GPX3: variants seen among roughly 807,000 people sequenced by gnomAD.
The protein encoded by GPX3 is glutathione peroxidase 3, also known as GPx-3.
In GPX3, 22 loss-of-function variants were observed where a neutral mutation model predicts 25.1. The ratio of observed to expected loss-of-function variants is 0.88; its 90% confidence interval spans 0.63 to 1.25. The LOEUF is 1.25. Ranked by LOEUF, GPX3 falls within the 50% of genes most tolerant of loss-of-function variation. The probability of loss-of-function intolerance (pLI) is 0.00; values close to 1 mark genes in which losing one functional copy is unlikely to be tolerated. For synonymous variants in GPX3, 110 were observed against 114.5 expected (o/e 0.96, Z 0.25); for missense variants, 278 against 286.6 (o/e 0.97, Z 0.22).
intron 1 of GPX3, among the ~76,000 whole-genome samples, chr5:151,022,819 G>A (rs535491823): frequency 6.6e-6 from 1 of 152,166 alleles, no homozygotes; most frequent in African/African-American, 2.4e-5. Context: ...ACCTGGCAGA[G>A]AGAATCATGG....
intron 2 of GPX3, chr5:151,026,565 G>A (rs964480809): frequency 2.1e-5 from 5 of 237,906 alleles, no homozygotes; most frequent in African/African-American, 1.1e-4. Flanking sequence ...GGGATGGATA[G>A]TTCTTGCTCC....
intron 2 of GPX3, 108 bp from the exon 3 acceptor site, chr5:151,026,792 G>A (rs1363923971): frequency 1.2e-5 from 9 of 750,934 alleles, no homozygotes; most frequent in Middle Eastern, 3.6e-4. Flanking sequence ...TCCCTTTCTC[G>A]GGCCTCAGTA....
chr5:151,024,750 C>A (rs8177433), intron 1 of GPX3, among the ~76,000 whole-genome samples: 2 of 152,096 alleles, frequency 1.3e-5, no homozygotes, highest in Non-Finnish European at 2.9e-5. Flanking sequence ...AGTCCTGCTT[C>A]CCTATTTGGT....
chr5:151,020,952 G>A (rs1027170900), intron 1 of GPX3: 7 of 634,646 alleles, frequency 1.1e-5, no homozygotes, highest in Non-Finnish European at 1.7e-5. Flanking sequence ...TTGGAGAGCC[G>A]AGACCTGGTG....
At chr5:151,022,697 A>G (rs373120426) in intron 1 of GPX3, among the ~76,000 whole-genome samples, 2 of 152,198 alleles carry the variant, frequency 1.3e-5, no homozygotes, top group South Asian at 4.1e-4. Flanking sequence ...CCCCAGTCCA[A>G]CTTCAGGCTG....
chr5:151,027,470 A>C lies in GPX3; in HGVS notation c.398A>C (p.Gln133Pro), dbSNP rs1277550493. The change falls in exon 4 of 5, where the codon CAG becomes CCG. Residue 133 changes from glutamine to proline, a missense_variant. Coordinates refer to ENST00000388825, the MANE Select transcript of GPX3 (RefSeq NM_002084.5). The stretch of plus-strand genomic sequence containing the variant: ...GGTGGAGGCTTTGTCCCTAATTTCC[A>C]GCTCTTTGAGAAAGGGGATGTCAAT... ...RPGGGFVPNF[Q>P]LFEKGDVNGE... is the part of the protein sequence containing the mutation. 1.9e-6 allele frequency: 3 copies of C among 1,613,800 alleles called. No individual in the cohort carries two copies. The highest frequency in any genetic ancestry group is 2.5e-6 in the Non-Finnish European group (3 of 1,179,762).
At chr5:151,023,599 ATT>A (rs1364299698) in intron 1 of GPX3, among the ~76,000 whole-genome samples, 2 of 152,056 alleles carry the variant, frequency 1.3e-5, no homozygotes, top group Non-Finnish European at 2.9e-5. Context: ...CTCAGAGTTC[ATT>A]TTTGGATCAT....
At chr5:151,024,379 A>G (rs142800380) in intron 1 of GPX3, among the ~76,000 whole-genome samples, 24 of 152,288 alleles carry the variant, frequency 1.6e-4, no homozygotes, top group African/African-American at 5.3e-4. Flanking sequence ...AGTGACCCCA[A>G]TCCCCTCTCT....
chr5:151,024,154 T>C (rs935420469), intron 1 of GPX3, among the ~76,000 whole-genome samples: 1 of 152,210 alleles, frequency 6.6e-6, no homozygotes, highest in African/African-American at 2.4e-5. Flanking sequence ...TCCATTTGTT[T>C]ATTGTCTGCC....
At chr5:151,021,713 G>GT (rs1158867084) in intron 1 of GPX3, 1 of 152,882 alleles carries the variant, frequency 6.5e-6, no homozygotes, top group African/African-American at 2.4e-5. Flanking sequence ...TCCTTTGACA[G>GT]TATGTACTGG....
At chr5:151,022,402 G>T (rs980443943) in intron 1 of GPX3, among the ~76,000 whole-genome samples, 3 of 152,200 alleles carry the variant, frequency 2.0e-5, no homozygotes, top group Non-Finnish European at 4.4e-5. Context: ...TTAGGGTGAG[G>T]TGTGATCATA....
rs867864741 is a variant in GPX3, at chr5:151,026,943, C to A, written c.285C>A (p.Val95=). 6 of 1,614,016 alleles carry A rather than the reference C, an allele frequency of 3.7e-6. No homozygotes were observed. The highest frequency in any genetic ancestry group is 5.1e-6 in the Non-Finnish European group (6 of 1,179,992). Residue 95 remains valine (V), a synonymous_variant, in exon 3 of 5, where the codon GTC becomes GTA. Coordinates refer to ENST00000388825, the MANE Select transcript of GPX3 (RefSeq NM_002084.5). ...LQEELAPFGL[V]ILGFPCNQFG... is the part of the protein sequence containing the mutation. ...AAGAGCTTGCACCATTCGGTCTGGT[C>A]ATTCTGGGCTTTCCCTGCAACCAAT...
chr5:151,021,045 C>T (rs1274856672), intron 1 of GPX3: 1 of 405,336 alleles, frequency 2.5e-6, no homozygotes, highest in Non-Finnish European at 4.6e-6. Context: ...TCGAGGGTCG[C>T]CTTGCTACAT....
chr5:151,025,480 G>A lies in GPX3; in HGVS notation c.228G>A (p.Thr76=), dbSNP rs200228989. The change falls in exon 2 of 5, where the codon ACG becomes ACA. Residue 76 remains threonine (T), a synonymous_variant. Coordinates refer to ENST00000388825, the MANE Select transcript of GPX3 (RefSeq NM_002084.5). The stretch of plus-strand genomic sequence containing the variant: ...ACGTGGCCAGCTACTGAGGCCTGAC[G>A]GGCCAGTACATTGGTAAGAGCCCAC... ...FVNVASYUGL[T]GQYIELNALQ... 32 of 1,608,898 alleles carry A rather than the reference G, an allele frequency of 2.0e-5. No individual in the cohort carries two copies. Among genetic ancestry groups the A allele is most frequent in the African/African-American group, 1.7e-4 (13 of 74,794 alleles).
At chr5:151,020,805 G>C in intron 1 of GPX3, 64 bp downstream of exon 1, 1 of 1,408,412 alleles carries the variant, frequency 7.1e-7, no homozygotes, top group Non-Finnish European at 9.9e-7. Flanking sequence ...CCAGCGCTCA[G>C]TGCAATGCAC....
rs377617159 is a variant in GPX3, at chr5:151,020,698, T to C, written c.44T>C (p.Leu15Pro). 5 of 1,611,704 alleles carry C rather than the reference T, an allele frequency of 3.1e-6. No individual in the cohort carries two copies. Among genetic ancestry groups the C allele is most frequent in the Non-Finnish European group, 4.2e-6 (5 of 1,179,382 alleles). ...LQASCLLSLL[L>P]AGFVSQSRGQ... ...GCGTCCTGCCTGCTTTCCCTGCTCC[T>C]GGCCGGCTTCGTCTCGCAGAGCCGG... The change falls in exon 1 of 5, where the codon CTG (leucine) becomes CCG (proline). Residue 15 changes from leucine (L) to proline (P), a missense_variant. Transcript: ENST00000388825.
At chr5:151,023,318 A>G (rs1419227326) in intron 1 of GPX3, among the ~76,000 whole-genome samples, 1 of 152,082 alleles carries the variant, frequency 6.6e-6, no homozygotes, top group East Asian at 1.9e-4. Flanking sequence ...ATCCCTTGAC[A>G]TGAGATTTCG....
At position 151,028,050 on chromosome 5, in the gene GPX3, C is replaced by T. The variant is rs1040271400; in HGVS notation, c.601C>T (p.Arg201Trp). The T allele has an allele frequency of 1.1e-5, 17 of 1,613,654 alleles. No individual in the cohort carries two copies. Among genetic ancestry groups the T allele is most frequent in the East Asian group, 6.7e-5 (3 of 44,878 alleles). The change falls in exon 5 of 5, where the codon CGG becomes TGG. Residue 201 changes from arginine (R) to tryptophan (W), a missense_variant. Transcript: ENST00000388825. ...TATACCCATCATGCGCTGGCACCAC[C>T]GGACCACGGTCAGCAACGTCAAGAT... is the stretch of plus-strand genomic sequence containing the variant. ...DGIPIMRWHH[R>W]TTVSNVKMDI...
chr5:151,025,391 A>C lies in GPX3; in HGVS notation c.139A>C (p.Thr47Pro). The C allele has an allele frequency of 6.2e-7, 1 of 1,610,930 alleles. No individual in the cohort carries two copies. The highest frequency in any genetic ancestry group is 8.5e-7 in the Non-Finnish European group (1 of 1,177,998). Residue 47 changes from threonine to proline, a missense_variant, in exon 2 of 5, where the codon ACC (threonine) becomes CCC (proline). By Grantham distance (38) the Thr-to-Pro change is conservative. Coordinates refer to ENST00000388825, the MANE Select transcript of GPX3 (RefSeq NM_002084.5). ...CACCATTTACGAGTACGGAGCCCTC[A>C]CCATTGATGGGGAGGAGTACATCCC... ...SGTIYEYGALTIDGEEYIPFK... is the reference protein window; with the variant it reads ...SGTIYEYGALPIDGEEYIPFK...
Sources: allele counts gnomAD v4.1 joint callset (sites outside exome capture counted in the v4.1 genomes callset), GRCh38; gene constraint gnomAD v4.1.1; transcripts MANE v1.5; gene names NCBI Gene and HGNC (gene_info 2026-07-23, HGNC 2026-07-21).